Variants in ADORA2A observed in about 807,000 individuals in gnomAD.
The protein encoded by ADORA2A is adenosine receptor A2a.
ADORA2A carries 11 observed loss-of-function variants against 18.4 expected under a neutral mutation model. The observed-to-expected ratio is 0.60, with a 90% CI of 0.38 to 0.99. ADORA2A has a LOEUF of 0.99. Ranked by LOEUF, ADORA2A falls within the 50% of genes least tolerant of loss-of-function variation. ADORA2A has a pLI of 0.01. For missense variants in ADORA2A, 449 were observed against 556.1 expected, an observed-to-expected ratio of 0.81 and a Z score of 1.94; for synonymous variants, 218 against 237.3, an observed-to-expected ratio of 0.92 and a Z score of 0.75.
chr22:24,426,059 GT>G (rs2042916009), upstream of ADORA2A, among the ~76,000 whole-genome samples: 1 of 152,200 alleles, frequency 6.6e-6, no homozygotes, highest in South Asian at 2.1e-4. Flanking sequence ...ATGAATGGTA[GT>G]TGGCCTGGGA....
In ADORA2A at chr22:24,439,071, C is replaced by CTTTTTTT. The variant is rs868563988; in HGVS notation, c.333-1512_333-1511insTTTTTTT. 6.4e-5 allele frequency among the ~76,000 whole-genome samples: 5 copies of CTTTTTTT among 77,902 alleles called. No individual in the cohort carries two copies. The South Asian group carries it at 1.6e-3, about 24-fold the overall frequency. The allele number at this position is 77,902 out of a possible 152,430, so 51.1% of individuals were successfully genotyped here. ...AGTAGAGCACATCCTTCCCCTTGCA[C>CTTTTTTT]CTTTTTTTTTTTTTTTTTTTTTTTT... On this transcript the variant is annotated intron_variant, in intron 2 of 2. Coordinates refer to ENST00000337539, the MANE Select transcript of ADORA2A (RefSeq NM_000675.6).
intron 2 of ADORA2A, among the ~76,000 whole-genome samples, chr22:24,435,300 G>A (rs1440450516): frequency 1.3e-5 from 2 of 152,150 alleles, no homozygotes; most frequent in African/African-American, 4.8e-5. Flanking sequence ...GCCCAGGAGG[G>A]GCCCTGTCTG....
intron 1 of ADORA2A, chr22:24,431,665 A>T: frequency 2.7e-6 from 1 of 373,560 alleles, no homozygotes; most frequent in Non-Finnish European, 5.3e-6. Context: ...ACACACTCAT[A>T]GGGCCCCATG....
At chr22:24,430,085 C>G (rs567487708) in intron 1 of ADORA2A, 1 of 152,512 alleles carries the variant, frequency 6.6e-6, no homozygotes, top group Admixed American at 6.5e-5. Context: ...CTCCTCTTCC[C>G]CTGTCTGCCC....
Position 24,428,886 on chromosome 22 carries a change from C to T in ADORA2A, c.-275+1140C>T, listed in dbSNP as rs536081014. On this transcript the variant is annotated intron_variant, in intron 1 of 2. Transcript: ENST00000337539. ...AGGCACAGCAACGGGGGCACACCTC[C>T]CTTTGGCCCAGCAGTTGGGGTGCTG... Among the ~76,000 whole-genome samples, 59 of 152,334 alleles carry T rather than the reference C, an allele frequency of 3.9e-4. 2 individuals are homozygous for T. The South Asian group carries it at 0.011, about 28-fold the overall frequency.
rs538042515 is a variant in ADORA2A at position 24,441,313 on chromosome 22, G to A, written c.1063G>A (p.Glu355Lys). The A allele has an allele frequency of 3.1e-6, 5 of 1,607,374 alleles. No individual in the cohort carries two copies. In the African/African-American group the frequency reaches 4.0e-5, roughly 13 times the overall value. ...GGCCAACGGCAGTGCTCCCCACCCT[G>A]AGCGGAGGCCCAATGGCTATGCCCT... The part of the protein sequence containing the change: ...VWANGSAPHP[E>K]RRPNGYALGL... The change falls in exon 3 of 3, where the codon GAG becomes AAG. Residue 355 changes from glutamate (E) to lysine (K), a missense_variant. Physicochemically the swap from Glu to Lys is moderately conservative, Grantham distance 56. Coordinates refer to ENST00000337539, the MANE Select transcript of ADORA2A (RefSeq NM_000675.6).
chr22:24,437,628 CCT>C (rs58434001), intron 2 of ADORA2A, among the ~76,000 whole-genome samples: 3,845 of 152,344 alleles, frequency 0.025, 183 homozygotes, highest in African/African-American at 0.088. Context: ...CTCCATACCC[CCT>C]GTCCCCCACC....
intron 2 of ADORA2A, chr22:24,439,629 T>C (rs2043282444): frequency 6.8e-6 from 1 of 147,782 alleles, no homozygotes; most frequent in African/African-American, 2.5e-5. Flanking sequence ...TAGGGAGACT[T>C]TTTTTTTTTA....
At chr22:24,429,209 T>C (rs1328254407) in intron 1 of ADORA2A, 1 of 152,302 alleles carries the variant, frequency 6.6e-6, no homozygotes, top group African/African-American at 2.4e-5. Context: ...GTGTGGGTTT[T>C]GATTAAATGG....
At chr22:24,439,072 C>CTGTTTTT (rs2058689682) in intron 2 of ADORA2A, among the ~76,000 whole-genome samples, 1 of 73,094 alleles carries the variant, frequency 1.4e-5, no homozygotes, top group African/African-American at 4.5e-5. Context: ...CCCCTTGCAC[C>CTGTTTTT]TTTTTTTTTT....
At chr22:24,425,337 A>ACCCCCCCC (rs398036656), upstream of ADORA2A, among the ~76,000 whole-genome samples, 3 of 82,318 alleles carry the variant, frequency 3.6e-5, no homozygotes, top group Non-Finnish European at 4.6e-5. Context: ...TGTGGGCAGC[A>ACCCCCCCC]CCCCCCCCCC....
At chr22:24,434,474 A>ACTCGGCATGGATTC (rs1411603832) in intron 2 of ADORA2A, among the ~76,000 whole-genome samples, 1 of 152,198 alleles carries the variant, frequency 6.6e-6, no homozygotes, top group Admixed American at 6.5e-5. Flanking sequence ...AGGCTGAATT[A>ACTCGGCATGGATTC]CTCGGCATGG....
At chr22:24,427,882 G>A (rs1002486087) in intron 1 of ADORA2A, 136 bp downstream of exon 1, 2 of 152,464 alleles carry the variant, frequency 1.3e-5, no homozygotes, top group African/African-American at 4.8e-5. Context: ...GCTGCTCTGT[G>A]AGGCAGGCTC....
chr22:24,441,007 A>G lies in ADORA2A; in HGVS notation c.757A>G (p.Asn253Asp). ...CTGCTGGCTGCCCCTACACATCATC[A>G]ACTGCTTCACTTTCTTCTGCCCCGA... The part of the protein sequence containing the change: ...ALCWLPLHII[N>D]CFTFFCPDCS... The change falls in exon 3 of 3, where the codon AAC becomes GAC. Residue 253 changes from asparagine (N) to aspartate (D), a missense_variant. Coordinates refer to ENST00000337539, the MANE Select transcript of ADORA2A (RefSeq NM_000675.6). 2 of 1,614,112 alleles carry G rather than the reference A, an allele frequency of 1.2e-6. No homozygotes were observed. Among genetic ancestry groups the G allele is most frequent in the Non-Finnish European group, 1.7e-6 (2 of 1,180,022 alleles).
intron 2 of ADORA2A, chr22:24,438,450 G>T (rs2043233007): frequency 6.6e-6 from 1 of 152,250 alleles, no homozygotes; most frequent in African/African-American, 2.4e-5. Flanking sequence ...TAATGTAGAT[G>T]TGAGAATGAG....
intron 1 of ADORA2A, chr22:24,430,406 T>A (rs2043002151): frequency 6.5e-6 from 1 of 153,186 alleles, no homozygotes; most frequent in Non-Finnish European, 1.5e-5. Context: ...GGAAGGTGGC[T>A]TCAGTATAGT....
rs1239616315 is a variant in ADORA2A, at chr22:24,427,691, G to A, written c.-330G>A. The stretch of plus-strand genomic sequence containing the variant: ...GCACAGCGTGGGCCCCCAGCACCTT[G>A]GTGCGGGGTGCGGCCCCTCGGAGGA... On this transcript the variant is annotated 5_prime_UTR_variant, in exon 1 of 3. It introduces an in-frame stop codon into an upstream open reading frame of the 5' UTR. Coordinates refer to ENST00000337539, the MANE Select transcript of ADORA2A (RefSeq NM_000675.6). The A allele has an allele frequency of 6.6e-6, 1 of 152,200 alleles. No individual in the cohort carries two copies. Among genetic ancestry groups the A allele is most frequent in the East Asian group, 1.9e-4 (1 of 5,194 alleles). 9.4% of individuals were successfully genotyped at this position (152,200 alleles called of 1,614,324 possible).
chr22:24,425,347 C>CCG (rs1376348814), upstream of ADORA2A, among the ~76,000 whole-genome samples: 1 of 136,814 alleles, frequency 7.3e-6, no homozygotes, highest in Non-Finnish European at 1.6e-5. Context: ...ACCCCCCCCC[C>CCG]CCCCGCCCAA....
Position 24,440,880 on chromosome 22 carries a change from G to A in ADORA2A, c.630G>A (p.Gln210=), listed in dbSNP as rs5760421. The change falls in exon 3 of 3, where the codon CAG becomes CAA. Residue 210 remains glutamine (Q), a synonymous_variant. Coordinates refer to ENST00000337539, the MANE Select transcript of ADORA2A (RefSeq NM_000675.6). ...TGGCGGCGCGACGACAGCTGAAGCA[G>A]ATGGAGAGCCAGCCTCTGCCGGGGG... ...IFLAARRQLK[Q]MESQPLPGER... 1.2e-6 allele frequency: 2 copies of A among 1,614,222 alleles called. No individual in the cohort carries two copies. Among genetic ancestry groups the A allele is most frequent in the Non-Finnish European group, 1.7e-6 (2 of 1,180,044 alleles).
Sources: allele counts gnomAD v4.1 joint callset (sites outside exome capture counted in the v4.1 genomes callset), GRCh38; gene constraint gnomAD v4.1.1; transcripts MANE v1.5; gene names NCBI Gene and HGNC (gene_info 2026-07-23, HGNC 2026-07-21).